SOX5: variants seen among roughly 807,000 people sequenced by gnomAD.
SOX5 encodes the protein transcription factor SOX-5.
In SOX5, 9 loss-of-function variants were observed where a neutral mutation model predicts 92.0. That is an observed-to-expected ratio of 0.10 (90% confidence interval 0.06 to 0.17). SOX5 has a LOEUF of 0.17. Ranked by LOEUF, SOX5 falls within the 10% of genes least tolerant of loss-of-function variation. SOX5 has a pLI of 1.00. For synonymous variants in SOX5, 344 were observed against 336.3 expected (o/e 1.02, Z -0.25); for missense variants, 642 against 944.5 (o/e 0.68, Z 4.20).
At chr12:23,607,975 A>T (rs948172839) in intron 8 of SOX5, among the ~76,000 whole-genome samples, 2 of 152,018 alleles carry the variant, frequency 1.3e-5, no homozygotes, top group African/African-American at 2.4e-5. Flanking sequence ...ACTAAACATA[A>T]AAGGCTGAGC....
chr12:24,127,533 T>C (rs1293530199), intron 4 of SOX5, among the ~76,000 whole-genome samples: 1 of 152,174 alleles, frequency 6.6e-6, no homozygotes, highest in Non-Finnish European at 1.5e-5. Flanking sequence ...CTAAGCCACC[T>C]TGAAGGTAGA....
At chr12:24,116,199 C>T (rs1947979048) in intron 4 of SOX5, among the ~76,000 whole-genome samples, 1 of 152,048 alleles carries the variant, frequency 6.6e-6, no homozygotes, top group South Asian at 2.1e-4. Context: ...GTGTGTATAA[C>T]AATAGAGATT....
chr12:24,389,744 T>A (rs1368820115), intron 1 of SOX5, among the ~76,000 whole-genome samples: 1 of 152,236 alleles, frequency 6.6e-6, no homozygotes, highest in Non-Finnish European at 1.5e-5. Context: ...TACCTAGGAA[T>A]GGACTTGCTA....
intron 8 of SOX5, among the ~76,000 whole-genome samples, chr12:23,637,498 C>T (rs913457042): frequency 6.6e-6 from 1 of 152,136 alleles, no homozygotes; most frequent in Non-Finnish European, 1.5e-5. Context: ...ATTACTGTCT[C>T]ACACCTCTCT....
intron 2 of SOX5, among the ~76,000 whole-genome samples, chr12:24,283,960 A>G (rs1370164040): frequency 6.6e-6 from 1 of 152,216 alleles, no homozygotes; most frequent in African/African-American, 2.4e-5. Context: ...CATAGACTCT[A>G]CTATGTAGAA....
chr12:24,208,162 T>G (rs536677379), intron 4 of SOX5, among the ~76,000 whole-genome samples: 2 of 152,150 alleles, frequency 1.3e-5, no homozygotes, highest in African/African-American at 4.8e-5. Context: ...CGCCTGACTT[T>G]CCTGAACTCT....
intron 1 of SOX5, among the ~76,000 whole-genome samples, chr12:24,411,613 GT>G (rs1278411115): frequency 1.3e-5 from 2 of 152,098 alleles, no homozygotes; most frequent in Admixed American, 1.3e-4. Flanking sequence ...TACACTGATG[GT>G]TTTTCATATA....
chr12:23,607,239 T>C (rs1048959755), intron 8 of SOX5, among the ~76,000 whole-genome samples: 6 of 152,196 alleles, frequency 3.9e-5, no homozygotes, highest in African/African-American at 1.2e-4. Context: ...TCAACACATT[T>C]TGTGTCATAG....
intron 3 of SOX5, among the ~76,000 whole-genome samples, chr12:24,226,763 G>A (rs946917259): frequency 1.3e-5 from 2 of 152,154 alleles, no homozygotes; most frequent in African/African-American, 2.4e-5. Flanking sequence ...GAGCCACCAC[G>A]CCCGGCCTGT....
chr12:23,597,344 C>T (rs1321202899), intron 9 of SOX5, among the ~76,000 whole-genome samples: 2 of 152,030 alleles, frequency 1.3e-5, no homozygotes, highest in African/African-American at 4.8e-5. Flanking sequence ...AAAATGTGAC[C>T]AACCCTCAAC....
intron 1 of SOX5, among the ~76,000 whole-genome samples, chr12:24,427,453 T>C (rs1478224129): frequency 6.6e-6 from 1 of 152,228 alleles, no homozygotes; most frequent in East Asian, 1.9e-4. Context: ...CATGGGATTA[T>C]ATCACATGGG....
At chr12:24,196,076 G>A (rs1282558030) in intron 4 of SOX5, among the ~76,000 whole-genome samples, 7 of 152,198 alleles carry the variant, frequency 4.6e-5, no homozygotes, top group African/African-American at 1.7e-4. Context: ...GTAGAGATGG[G>A]GTTTTGCCAT....
chr12:23,846,545 G>A (rs1207121912), intron 2 of SOX5, among the ~76,000 whole-genome samples: 2 of 152,070 alleles, frequency 1.3e-5, no homozygotes, highest in African/African-American at 4.8e-5. Context: ...TATTAGATTT[G>A]TTTATTTTCC....
Position 23,797,148 on chromosome 12 carries a change from C to T in SOX5, c.482-41424G>A, listed in dbSNP as rs538754384. Among the ~76,000 whole-genome samples the T allele has an allele frequency of 1.4e-4, 22 of 151,858 alleles. No homozygotes were observed. In the South Asian group the frequency reaches 2.9e-3, roughly 20 times the overall value. Reference sequence around the variant, plus strand: ...ATAACTAGAATGGATTCCTGACACCCTCCTCTTCTTTTGGTACCTTAACTA... The same window carrying T: ...ATAACTAGAATGGATTCCTGACACCTTCCTCTTCTTTTGGTACCTTAACTA... On this transcript the variant is annotated intron_variant, in intron 3 of 14. Transcript: ENST00000451604.
intron 13 of SOX5, among the ~76,000 whole-genome samples, chr12:23,541,719 GAC>G (rs1942086797): frequency 6.6e-6 from 1 of 152,174 alleles, no homozygotes; most frequent in Non-Finnish European, 1.5e-5. Context: ...TGAAAAATGA[GAC>G]ACAATTTTAA....
At chr12:24,405,930 A>G (rs925937858) in intron 1 of SOX5, among the ~76,000 whole-genome samples, 3 of 152,160 alleles carry the variant, frequency 2.0e-5, no homozygotes, top group Non-Finnish European at 4.4e-5. Context: ...AGACAGAGAC[A>G]GAAAGGGCTA....
At chr12:24,303,980 C>T (rs1410423947) in intron 2 of SOX5, among the ~76,000 whole-genome samples, 1 of 152,118 alleles carries the variant, frequency 6.6e-6, no homozygotes, top group Non-Finnish European at 1.5e-5. Context: ...GGCTACAGCA[C>T]TAATGGAGCT....
chr12:24,218,380 G>A (rs1369677452), intron 3 of SOX5, among the ~76,000 whole-genome samples: 1 of 152,130 alleles, frequency 6.6e-6, no homozygotes, highest in Non-Finnish European at 1.5e-5. Context: ...AGTGACAAAA[G>A]ACCATATATT....
chr12:24,387,445 CA>C (rs1958538462), intron 1 of SOX5, among the ~76,000 whole-genome samples: 1 of 152,036 alleles, frequency 6.6e-6, no homozygotes, highest in African/African-American at 2.4e-5. Flanking sequence ...CAGTATGACC[CA>C]GGGAAGCCAA....
Sources: gnomAD v4.1 joint callset for allele counts (sites outside exome capture counted in the v4.1 genomes callset) on GRCh38, gnomAD v4.1.1 for gene constraint, MANE v1.5 for transcripts, NCBI Gene and HGNC (gene_info 2026-07-23, HGNC 2026-07-21) for gene names.